HS6ST3: variants seen among roughly 807,000 people sequenced by gnomAD.
The protein encoded by HS6ST3 is heparan-sulfate 6-O-sulfotransferase 3.
HS6ST3 carries 12 observed loss-of-function variants against 36.7 expected under a neutral mutation model. The ratio of observed to expected loss-of-function variants is 0.33; its 90% confidence interval spans 0.21 to 0.53. The LOEUF is 0.53. Ranked by LOEUF, HS6ST3 falls within the 20% of genes least tolerant of loss-of-function variation. HS6ST3 has a pLI of 0.95. For synonymous variants in HS6ST3, 240 were observed against 257.5 expected, an observed-to-expected ratio of 0.93 and a Z score of 0.65; for missense variants, 584 against 640.9, an observed-to-expected ratio of 0.91 and a Z score of 0.96.
intron 1 of HS6ST3, among the ~76,000 whole-genome samples, chr13:96,399,504 C>A (rs932342797): frequency 3.3e-5 from 5 of 152,212 alleles, no homozygotes; most frequent in African/African-American, 1.2e-4. Flanking sequence ...ATTTTTATAT[C>A]ATCATCCTGA....
chr13:96,345,065 A>G (rs1434034144), intron 1 of HS6ST3, among the ~76,000 whole-genome samples: 1 of 152,236 alleles, frequency 6.6e-6, no homozygotes, highest in Non-Finnish European at 1.5e-5. Flanking sequence ...ATCTTGGCCC[A>G]CAGCACTGAT....
Position 96,421,556 on chromosome 13 carries a change from T to G in HS6ST3, c.707+329987T>G, listed in dbSNP as rs139949114. Reference sequence around the variant, plus strand: ...TCTGCAATACTCAAATGACATGTAGTCACCTGAATGTGCCATTTTTCTTCT... The same window carrying G: ...TCTGCAATACTCAAATGACATGTAGGCACCTGAATGTGCCATTTTTCTTCT... On this transcript the variant is annotated intron_variant, in intron 1 of 1. Coordinates refer to ENST00000376705, the MANE Select transcript of HS6ST3 (RefSeq NM_153456.4). Among the ~76,000 whole-genome samples the G allele has an allele frequency of 2.4e-3, 369 of 152,344 alleles. 3 individuals are homozygous for G. The highest frequency in any genetic ancestry group is 2.7e-3 in the Non-Finnish European group (186 of 68,038).
At chr13:96,446,161 A>C (rs185549935) in intron 1 of HS6ST3, among the ~76,000 whole-genome samples, 4 of 151,612 alleles carry the variant, frequency 2.6e-5, no homozygotes, top group Admixed American at 2.0e-4. Context: ...CGACAGAGCA[A>C]GACTCCATCT....
At chr13:96,568,275 A>G (rs181541657) in intron 1 of HS6ST3, among the ~76,000 whole-genome samples, 4 of 152,152 alleles carry the variant, frequency 2.6e-5, no homozygotes, top group African/African-American at 9.6e-5. Context: ...GGCTCTCTGA[A>G]TCTTTTTTTG....
intron 1 of HS6ST3, among the ~76,000 whole-genome samples, chr13:96,304,491 C>T (rs2054899404): frequency 6.6e-6 from 1 of 151,846 alleles, no homozygotes; most frequent in East Asian, 1.9e-4. Flanking sequence ...TGGAGATGTG[C>T]CTTAGTTAAT....
chr13:96,584,030 C>T (rs912937088), intron 1 of HS6ST3, among the ~76,000 whole-genome samples: 2 of 152,158 alleles, frequency 1.3e-5, no homozygotes, highest in Non-Finnish European at 2.9e-5. Context: ...GCAAACAGCC[C>T]CCTTCCATTT....
intron 1 of HS6ST3, among the ~76,000 whole-genome samples, chr13:96,382,792 G>C (rs925193117): frequency 6.6e-6 from 1 of 152,080 alleles, no homozygotes; most frequent in African/African-American, 2.4e-5. Flanking sequence ...TAATATCAAA[G>C]TTATGAAGAA....
intron 1 of HS6ST3, among the ~76,000 whole-genome samples, 174 bp from the exon 2 acceptor site, chr13:96,832,316 C>T (rs771973903): frequency 1.9e-4 from 29 of 152,152 alleles, no homozygotes; most frequent in Non-Finnish European, 3.5e-4. Flanking sequence ...TTGGTACATA[C>T]GTCTTTATGG....
At chr13:96,118,734 C>T (rs1474842276) in intron 1 of HS6ST3, among the ~76,000 whole-genome samples, 3 of 101,554 alleles carry the variant, frequency 3.0e-5, no homozygotes, top group Non-Finnish European at 5.3e-5. Context: ...GACGGAGTCT[C>T]GCTCTGTCGC....
chr13:96,331,357 T>C (rs1483647165), intron 1 of HS6ST3, among the ~76,000 whole-genome samples: 1 of 151,708 alleles, frequency 6.6e-6, no homozygotes, highest in Non-Finnish European at 1.5e-5. Context: ...GATGGGTTTT[T>C]GGTGTGGATG....
intron 1 of HS6ST3, among the ~76,000 whole-genome samples, chr13:96,652,632 T>C (rs2056611435): frequency 6.6e-6 from 1 of 152,112 alleles, no homozygotes; most frequent in African/African-American, 2.4e-5. Flanking sequence ...TGTTCTTGAT[T>C]GTACAGTGCA....
intron 1 of HS6ST3, among the ~76,000 whole-genome samples, chr13:96,359,949 C>T (rs970434612): frequency 3.3e-5 from 5 of 152,104 alleles, no homozygotes; most frequent in Non-Finnish European, 7.4e-5. Context: ...GGATACACTC[C>T]AGCCACCCCT....
At position 96,091,123 on chromosome 13, in the gene HS6ST3, G is replaced by A. The variant is rs1022931593; in HGVS notation, c.261G>A (p.Ala87=). 2.6e-5 allele frequency: 37 copies of A among 1,437,006 alleles called. No homozygotes were observed. The highest frequency in any genetic ancestry group is 3.2e-5 in the Non-Finnish European group (35 of 1,099,248). The allele number at this position is 1,437,006 out of a possible 1,614,324, so 89.0% of individuals were successfully genotyped here. A position where few individuals can be genotyped will look rare whatever the true frequency, so the allele number is the denominator to read the frequency against. Residue 87 remains alanine (A), a synonymous_variant, in exon 1 of 2, where the codon GCG becomes GCA. Coordinates refer to ENST00000376705, the MANE Select transcript of HS6ST3 (RefSeq NM_153456.4). ...CCGAGGGACCTCGGGGGGCCGCGGC[G>A]CCGGAGGAGGAGGACGAGGAGCCCG... ...GPPEGPRGAA[A]PEEEDEEPGD... is the part of the protein sequence containing the mutation.
intron 1 of HS6ST3, among the ~76,000 whole-genome samples, chr13:96,369,888 A>AT (rs140903436): frequency 0.11 from 17,192 of 151,152 alleles, 1,093 homozygotes; most frequent in Middle Eastern, 0.2. Context: ...TCTTTCTACC[A>AT]TTTTTTTTTA....
intron 1 of HS6ST3, among the ~76,000 whole-genome samples, chr13:96,130,674 T>C (rs2053971208): frequency 2.0e-5 from 3 of 152,192 alleles, no homozygotes; most frequent in Non-Finnish European, 4.4e-5. Context: ...TATCCCCAAA[T>C]CTGCATTCAT....
Position 96,837,431 on chromosome 13 carries a change from C to G in HS6ST3, c.*4233C>G. ...TATGTTGAAAGATTTCCCAACGACT[C>G]TAATTTATGAGCAAGAAAGTTGCTT... On this transcript the variant is annotated 3_prime_UTR_variant, in exon 2 of 2. Coordinates refer to ENST00000376705, the MANE Select transcript of HS6ST3 (RefSeq NM_153456.4). 6.6e-6 allele frequency: 1 copy of G among 152,156 alleles called. No individual in the cohort carries two copies. The highest frequency in any genetic ancestry group is 1.9e-4 in the East Asian group (1 of 5,198). The allele number at this position is 152,156 out of a possible 1,614,324, so 9.4% of individuals were successfully genotyped here.
intron 1 of HS6ST3, among the ~76,000 whole-genome samples, chr13:96,234,320 G>A (rs2054523673): frequency 6.6e-6 from 1 of 152,054 alleles, no homozygotes; most frequent in African/African-American, 2.4e-5. Flanking sequence ...TGAGGCAAGA[G>A]AATCGTTTGA....
intron 1 of HS6ST3, among the ~76,000 whole-genome samples, chr13:96,353,314 TACTA>T (rs1236457037): frequency 6.6e-5 from 10 of 152,024 alleles, no homozygotes; most frequent in Non-Finnish European, 1.5e-4. Context: ...CTGAAGATAG[TACTA>T]ATAGGGAGAC....
At chr13:96,455,097 G>A (rs2055748273) in intron 1 of HS6ST3, among the ~76,000 whole-genome samples, 1 of 152,106 alleles carries the variant, frequency 6.6e-6, no homozygotes, top group South Asian at 2.1e-4. Flanking sequence ...AGATCATTTT[G>A]TGTTAAGATT....
Sources: gnomAD v4.1 joint callset for allele counts (sites outside exome capture counted in the v4.1 genomes callset) on GRCh38, gnomAD v4.1.1 for gene constraint, MANE v1.5 for transcripts, NCBI Gene and HGNC (gene_info 2026-07-23, HGNC 2026-07-21) for gene names.